The following LSAMP variants were observed in gnomAD, a reference collection of about 807,000 sequenced individuals.
LSAMP encodes the protein limbic system associated membrane protein, also known as limbic system-associated membrane protein.
A neutral mutation model predicts 38.6 loss-of-function variants in LSAMP; 7 were observed. The observed-to-expected ratio is 0.18, with a 90% CI of 0.10 to 0.34. LSAMP has a LOEUF of 0.34. Ranked by LOEUF, LSAMP falls within the 10% of genes least tolerant of loss-of-function variation. The probability of loss-of-function intolerance (pLI) is 1.00; values close to 1 mark genes in which losing one functional copy is unlikely to be tolerated. For synonymous variants in LSAMP, 154 were observed against 166.8 expected, an observed-to-expected ratio of 0.92 and a Z score of 0.59; for missense variants, 313 against 420.0, an observed-to-expected ratio of 0.75 and a Z score of 2.23.
At chr3:116,016,103 A>T (rs1253840535) in intron 3 of LSAMP, among the ~76,000 whole-genome samples, 1 of 152,024 alleles carries the variant, frequency 6.6e-6, no homozygotes, top group Non-Finnish European at 1.5e-5. Context: ...TCTCTTCCAC[A>T]TAGCTTGTTT....
At chr3:116,077,872 C>T (rs1707781391) in intron 2 of LSAMP, among the ~76,000 whole-genome samples, 1 of 152,158 alleles carries the variant, frequency 6.6e-6, no homozygotes. Context: ...TATAGAATGT[C>T]CTTTAATTTG....
chr3:116,006,225 C>A (rs6794899), intron 3 of LSAMP, among the ~76,000 whole-genome samples: 3 of 152,010 alleles, frequency 2.0e-5, no homozygotes, highest in African/African-American at 7.3e-5. Flanking sequence ...GGGACTAGTG[C>A]TCTTTTAAGA....
intron 1 of LSAMP, among the ~76,000 whole-genome samples, chr3:116,333,995 A>C (rs1370193038): frequency 6.6e-6 from 1 of 151,938 alleles, no homozygotes; most frequent in African/African-American, 2.4e-5. Flanking sequence ...ACAAATCTTT[A>C]CCTATATAAG....
rs10575234 is a variant in LSAMP at position 116,220,350 on chromosome 3, G to GACACAC, written c.156-133800_156-133795dup. Among the ~76,000 whole-genome samples, 367 of 138,582 alleles carry GACACAC rather than the reference G, an allele frequency of 2.6e-3. 4 individuals carry two copies. The highest frequency in any genetic ancestry group is 6.6e-3 in the African/African-American group (244 of 36,802). The allele number at this position is 138,582 out of a possible 152,430, so 90.9% of individuals were successfully genotyped here. On this transcript the variant is annotated intron_variant, in intron 1 of 6. Transcript: ENST00000490035. ...CCATTTTGCCTTGTCATTTGCATAT[G>GACACAC]ACACACACACACACACACACACACA...
At chr3:115,918,596 C>T (rs924149310) in intron 3 of LSAMP, among the ~76,000 whole-genome samples, 1 of 152,014 alleles carries the variant, frequency 6.6e-6, no homozygotes, top group African/African-American at 2.4e-5. Flanking sequence ...CTGGCCCTGA[C>T]TATGGCTTTG....
chr3:116,234,047 T>C (rs1248031404), intron 1 of LSAMP, among the ~76,000 whole-genome samples: 1 of 152,170 alleles, frequency 6.6e-6, no homozygotes, highest in African/African-American at 2.4e-5. Flanking sequence ...AGCTACTGGC[T>C]CAAATATTTT....
chr3:116,236,266 T>C (rs1354679669), intron 1 of LSAMP, among the ~76,000 whole-genome samples: 2 of 152,102 alleles, frequency 1.3e-5, no homozygotes. Flanking sequence ...GGGCTATGCA[T>C]TTCCATAAAA....
At chr3:116,270,044 C>A (rs370012986) in intron 1 of LSAMP, among the ~76,000 whole-genome samples, 3 of 152,146 alleles carry the variant, frequency 2.0e-5, no homozygotes, top group Non-Finnish European at 2.9e-5. Flanking sequence ...ATCATCAACC[C>A]TACCTCCCAC....
intron 6 of LSAMP, among the ~76,000 whole-genome samples, chr3:115,816,992 C>G (rs1934049307): frequency 6.6e-6 from 1 of 152,192 alleles, no homozygotes. Flanking sequence ...GTGTCCGATC[C>G]ATAACCTCGT....
intron 3 of LSAMP, among the ~76,000 whole-genome samples, chr3:115,985,739 G>A (rs926662945): frequency 6.6e-6 from 1 of 152,146 alleles, no homozygotes; most frequent in African/African-American, 2.4e-5. Flanking sequence ...GTCCCACATG[G>A]TGAGGAACTG....
At chr3:116,443,363 A>C (rs2049462711) in intron 1 of LSAMP, among the ~76,000 whole-genome samples, 1 of 152,310 alleles carries the variant, frequency 6.6e-6, no homozygotes, top group South Asian at 2.1e-4. Context: ...GGATAGTAGG[A>C]TCTTTGGGAT....
intron 1 of LSAMP, among the ~76,000 whole-genome samples, chr3:116,387,016 G>C (rs981317123): frequency 3.3e-5 from 5 of 152,154 alleles, no homozygotes; most frequent in African/African-American, 1.2e-4. Context: ...TATATAGAGA[G>C]TCAAGGACAA....
chr3:116,194,813 T>A (rs912331771), intron 1 of LSAMP, among the ~76,000 whole-genome samples: 2 of 152,200 alleles, frequency 1.3e-5, no homozygotes, highest in Non-Finnish European at 2.9e-5. Flanking sequence ...CTTATTAAGA[T>A]GATCAGAGAC....
chr3:116,188,443 C>T (rs1710675819), intron 1 of LSAMP, among the ~76,000 whole-genome samples: 2 of 152,168 alleles, frequency 1.3e-5, no homozygotes, highest in South Asian at 4.1e-4. Flanking sequence ...TGTGAAGCCT[C>T]AGGGCTTCTT....
At chr3:115,942,392 CT>C (rs1223160079) in intron 3 of LSAMP, among the ~76,000 whole-genome samples, 1 of 152,168 alleles carries the variant, frequency 6.6e-6, no homozygotes, top group Non-Finnish European at 1.5e-5. Flanking sequence ...CTTGTAAAGA[CT>C]TTGTCATCAG....
intron 2 of LSAMP, among the ~76,000 whole-genome samples, chr3:116,038,160 T>G (rs1313725065): frequency 5.9e-5 from 9 of 152,268 alleles, no homozygotes; most frequent in Non-Finnish European, 1.2e-4. Context: ...TTACTAGCTA[T>G]TTAATCTTGG....
intron 3 of LSAMP, among the ~76,000 whole-genome samples, chr3:115,981,528 A>G (rs1939360795): frequency 6.6e-6 from 1 of 152,156 alleles, no homozygotes; most frequent in Non-Finnish European, 1.5e-5. Context: ...TTTTATAATC[A>G]TATTACATAC....
intron 1 of LSAMP, among the ~76,000 whole-genome samples, chr3:116,399,349 T>A (rs1366179532): frequency 6.6e-6 from 1 of 152,078 alleles, no homozygotes; most frequent in Non-Finnish European, 1.5e-5. Context: ...CCATTGGAGG[T>A]GCTTTTAAAG....
intron 3 of LSAMP, among the ~76,000 whole-genome samples, chr3:115,928,463 G>C (rs372865916): frequency 6.6e-6 from 1 of 152,170 alleles, no homozygotes; most frequent in South Asian, 2.1e-4. Flanking sequence ...TATAAAAAAG[G>C]CTTACACCGT....
Sources: gnomAD v4.1 joint callset for allele counts (sites outside exome capture counted in the v4.1 genomes callset) on GRCh38, gnomAD v4.1.1 for gene constraint, MANE v1.5 for transcripts, NCBI Gene and HGNC (gene_info 2026-07-23, HGNC 2026-07-21) for gene names.